Variants in LRRC75A observed in about 807,000 individuals in gnomAD.
LRRC75A encodes leucine-rich repeat-containing protein 75A.
Under a neutral mutation model 26.0 loss-of-function variants are expected in LRRC75A, and 12 were observed. That is an observed-to-expected ratio of 0.46 (90% CI 0.30 to 0.75). The LOEUF is 0.75. Ranked by LOEUF, LRRC75A falls within the 30% of genes least tolerant of loss-of-function variation. LRRC75A has a pLI of 0.08. For synonymous variants in LRRC75A, 223 were observed against 219.3 expected (o/e 1.02, Z -0.15); for missense variants, 410 against 486.6 (o/e 0.84, Z 1.48).
intron 2 of LRRC75A, among the ~76,000 whole-genome samples, chr17:16,452,044 C>A (rs945972909): frequency 6.6e-6 from 1 of 151,914 alleles, no homozygotes; most frequent in Non-Finnish European, 1.5e-5. Context: ...CCTGGAATCT[C>A]AGGGGAGCTT....
chr17:16,472,327 C>T (rs2093808997), intron 1 of LRRC75A, among the ~76,000 whole-genome samples: 1 of 151,638 alleles, frequency 6.6e-6, no homozygotes, highest in Non-Finnish European at 1.5e-5. Flanking sequence ...CACAAAAGAA[C>T]GCAGAAAAAA....
At chr17:16,466,673 C>A (rs371750388) in intron 1 of LRRC75A, among the ~76,000 whole-genome samples, 223 of 152,244 alleles carry the variant, frequency 1.5e-3, no homozygotes, top group African/African-American at 5.0e-3. Flanking sequence ...GCTCCCTTTC[C>A]GAGCTGCCGG....
chr17:16,487,423 C>A lies in LRRC75A; in HGVS notation c.246+4322G>T, dbSNP rs151328404. ...CTCCAGGGAGTCTCCAGGTGTCTGT[C>A]CATTGCTCAGCTCCACTTGAGGGGT... is the stretch of plus-strand genomic sequence containing the variant. On this transcript the variant is annotated intron_variant, in intron 1 of 3. Transcript: ENST00000470794. 2.0e-3 allele frequency among the ~76,000 whole-genome samples: 305 copies of A among 152,314 alleles called. 1 individual carries two copies. The highest frequency in any genetic ancestry group is 7.0e-3 in the African/African-American group (290 of 41,572).
rs191684819 is a variant in LRRC75A, at chr17:16,446,665, G to A, written c.491+1180C>T. Among the ~76,000 whole-genome samples, 328 of 152,168 alleles carry A rather than the reference G, an allele frequency of 2.2e-3. 2 individuals carry two copies. Among genetic ancestry groups the A allele is most frequent in the African/African-American group, 7.2e-3 (300 of 41,516 alleles). ...AATGAGACCTCATGACATGGCTTCCGAATGAAGAATGGACTGAGCATGGGT... is the reference window on the plus strand; with the variant it reads ...AATGAGACCTCATGACATGGCTTCCAAATGAAGAATGGACTGAGCATGGGT... On this transcript the variant is annotated intron_variant, in intron 3 of 3. Coordinates refer to ENST00000470794, the MANE Select transcript of LRRC75A (RefSeq NM_001113567.3).
chr17:16,485,039 G>C (rs1050807646), intron 1 of LRRC75A, among the ~76,000 whole-genome samples: 3 of 151,910 alleles, frequency 2.0e-5, no homozygotes, highest in Non-Finnish European at 4.4e-5. Context: ...TGGGGGTAGG[G>C]AGGAGAGCAG....
At chr17:16,454,675 G>A (rs2093662338) in intron 2 of LRRC75A, among the ~76,000 whole-genome samples, 2 of 152,058 alleles carry the variant, frequency 1.3e-5, no homozygotes, top group South Asian at 4.1e-4. Context: ...CGGGCAACAA[G>A]AGCAAAATTC....
intron 2 of LRRC75A, among the ~76,000 whole-genome samples, chr17:16,453,970 A>C (rs548775571): frequency 6.6e-6 from 1 of 152,308 alleles, no homozygotes; most frequent in South Asian, 2.1e-4. Flanking sequence ...AACACTGCAG[A>C]GAGAGGCCAA....
Position 16,443,693 on chromosome 17 carries a change from C to T in LRRC75A, c.930G>A (p.Glu310=), listed in dbSNP as rs765937085. ...ELGEGPGSGE[E]VREGTVGQED... ...CCTGGCCTACTGTCCCTTCCCGGAC[C>T]TCCTCCCCACTGCCTGGGCCCTCAC... Residue 310 remains glutamate, a synonymous_variant, in exon 4 of 4, where the codon GAG becomes GAA. Transcript: ENST00000470794. 6.2e-7 allele frequency: 1 copy of T among 1,609,480 alleles called. No individual in the cohort carries two copies. The highest frequency in any genetic ancestry group is 1.1e-5 in the South Asian group (1 of 90,656).
intron 1 of LRRC75A, among the ~76,000 whole-genome samples, chr17:16,469,476 CTCT>C (rs1372982242): frequency 2.0e-5 from 3 of 152,182 alleles, no homozygotes; most frequent in Non-Finnish European, 4.4e-5. Context: ...AGCTTGTGCA[CTCT>C]CAAAGAGGCC....
intron 1 of LRRC75A, among the ~76,000 whole-genome samples, chr17:16,484,400 A>G (rs1315438366): frequency 6.6e-6 from 1 of 152,196 alleles, no homozygotes; most frequent in African/African-American, 2.4e-5. Context: ...CAGCAAAATA[A>G]ACATGAGAAA....
In LRRC75A at chr17:16,448,059, A is replaced by T. The variant is rs1355320595; in HGVS notation, c.376-99T>A. 4 of 1,113,546 alleles carry T rather than the reference A, an allele frequency of 3.6e-6. No individual in the cohort carries two copies. In the South Asian group the frequency reaches 5.3e-5, roughly 15 times the overall value. 69.0% of individuals were successfully genotyped at this position (1,113,546 alleles called of 1,614,324 possible). ...TCCCGGGTAAGAGCCCAGCTCCCCC[A>T]GGCTGAGCTGGGGGAGGCCCTGCTC... On this transcript the variant is annotated intron_variant, in intron 2 of 3. Coordinates refer to ENST00000470794, the MANE Select transcript of LRRC75A (RefSeq NM_001113567.3).
chr17:16,481,608 AC>A (rs2093834127), intron 1 of LRRC75A, among the ~76,000 whole-genome samples: 1 of 151,756 alleles, frequency 6.6e-6, no homozygotes, highest in African/African-American at 2.4e-5. Flanking sequence ...TTCACTGGCT[AC>A]CCCCTGCCTC....
intron 2 of LRRC75A, chr17:16,448,278 T>C (rs2351084): frequency 0.6 from 227,971 of 382,410 alleles, 70,451 homozygotes; most frequent in Non-Finnish European, 0.67. Context: ...CCATGATCCC[T>C]GCCACTCCCC....
intron 2 of LRRC75A, among the ~76,000 whole-genome samples, chr17:16,448,953 A>T (rs193223316): frequency 6.6e-6 from 1 of 152,260 alleles, no homozygotes; most frequent in Admixed American, 6.5e-5. Flanking sequence ...GATGCTACAG[A>T]CTCCAACTAC....
At chr17:16,476,973 T>G (rs8071242) in intron 1 of LRRC75A, among the ~76,000 whole-genome samples, 1 of 150,858 alleles carries the variant, frequency 6.6e-6, no homozygotes, top group Admixed American at 6.6e-5. Flanking sequence ...CTCCTGACCT[T>G]GTGATCCGCC....
intron 2 of LRRC75A, among the ~76,000 whole-genome samples, chr17:16,459,745 A>T (rs978948274): frequency 1.1e-4 from 16 of 152,170 alleles, no homozygotes; most frequent in Non-Finnish European, 1.9e-4. Flanking sequence ...TGCTCTGACC[A>T]GGATGTCCTG....
intron 1 of LRRC75A, among the ~76,000 whole-genome samples, chr17:16,489,806 G>A (rs920079626): frequency 2.0e-5 from 3 of 152,190 alleles, no homozygotes; most frequent in Non-Finnish European, 2.9e-5. Context: ...GAGCCCAGAA[G>A]CCCAGAGCCT....
chr17:16,474,579 G>A (rs777219091), intron 1 of LRRC75A, among the ~76,000 whole-genome samples: 14 of 151,852 alleles, frequency 9.2e-5, no homozygotes, highest in Admixed American at 2.0e-4. Context: ...CCATCCCAGC[G>A]CCCTCCTAAT....
At position 16,451,376 on chromosome 17, in the gene LRRC75A, G is replaced by A. The variant is rs530966684; in HGVS notation, c.376-3416C>T. On this transcript the variant is annotated intron_variant, in intron 2 of 3. Transcript: ENST00000470794. ...GGCTCACGCCTGTTAATCCCAGCAC[G>A]TTGGGAGGCCAAGGTGGATGGATCA... Among the ~76,000 whole-genome samples the A allele has an allele frequency of 3.9e-5, 6 of 152,166 alleles. No individual in the cohort carries two copies. In the South Asian group the frequency reaches 6.2e-4, roughly 16 times the overall value.
Sources: gnomAD v4.1 joint callset for allele counts (sites outside exome capture counted in the v4.1 genomes callset) on GRCh38, gnomAD v4.1.1 for gene constraint, MANE v1.5 for transcripts, NCBI Gene and HGNC (gene_info 2026-07-23, HGNC 2026-07-21) for gene names.